Variants in NCAM2 observed in about 807,000 individuals in gnomAD.
NCAM2 encodes neural cell adhesion molecule 2.
A neutral mutation model predicts 98.1 loss-of-function variants in NCAM2; 30 were observed. The ratio of observed to expected loss-of-function variants is 0.31; its 90% CI spans 0.23 to 0.41. The LOEUF (loss-of-function observed/expected upper bound fraction) is 0.41. Ranked by LOEUF, NCAM2 falls within the 10% of genes least tolerant of loss-of-function variation. The pLI is 1.00. For missense variants in NCAM2, 867 were observed against 1,005.8 expected, an observed-to-expected ratio of 0.86 and a Z score of 1.87; for synonymous variants, 368 against 342.4, an observed-to-expected ratio of 1.07 and a Z score of -0.83.
chr21:21,200,290 A>C (rs2069161366), intron 1 of NCAM2, among the ~76,000 whole-genome samples: 1 of 152,074 alleles, frequency 6.6e-6, no homozygotes, highest in South Asian at 2.1e-4. Context: ...CATGGGTCAC[A>C]ACACATCCTT....
intron 1 of NCAM2, among the ~76,000 whole-genome samples, chr21:21,022,167 T>G (rs1466008191): frequency 6.6e-6 from 1 of 152,034 alleles, no homozygotes; most frequent in Admixed American, 6.5e-5. Flanking sequence ...TAGAATAGTT[T>G]AGTTGAAAAT....
intron 1 of NCAM2, among the ~76,000 whole-genome samples, chr21:21,159,197 AAT>A (rs1270739778): frequency 2.6e-5 from 4 of 152,326 alleles, no homozygotes; most frequent in African/African-American, 9.6e-5. Context: ...ATAGCTGTAT[AAT>A]ATGTTTGTGT....
At chr21:21,124,098 C>T (rs1259648357) in intron 1 of NCAM2, among the ~76,000 whole-genome samples, 4 of 151,594 alleles carry the variant, frequency 2.6e-5, no homozygotes, top group African/African-American at 7.3e-5. Flanking sequence ...CGGCCCACCT[C>T]GGCGTCCCAT....
chr21:21,317,024 G>A (rs11088859), intron 5 of NCAM2, among the ~76,000 whole-genome samples: 6,985 of 152,092 alleles, frequency 0.046, 293 homozygotes, highest in East Asian at 0.19. Flanking sequence ...CTGCAAAACT[G>A]CACCTAACTT....
chr21:21,323,648 A>T (rs1484334330), intron 5 of NCAM2, among the ~76,000 whole-genome samples: 1 of 152,154 alleles, frequency 6.6e-6, no homozygotes, highest in African/African-American at 2.4e-5. Flanking sequence ...GCATTTCAGT[A>T]ACAGTTTCAA....
chr21:21,334,302 A>C (rs577512902), intron 6 of NCAM2, among the ~76,000 whole-genome samples: 1 of 152,254 alleles, frequency 6.6e-6, no homozygotes, highest in South Asian at 2.1e-4. Flanking sequence ...TGTGTACTTC[A>C]TGGTACATTT....
intron 8 of NCAM2, among the ~76,000 whole-genome samples, chr21:21,365,989 G>T (rs1480250825): frequency 1.3e-5 from 2 of 151,496 alleles, no homozygotes; most frequent in Non-Finnish European, 2.9e-5. Context: ...AGGAAAAAAG[G>T]TGAATATATC....
chr21:21,501,992 T>C (rs1987667700), intron 15 of NCAM2, among the ~76,000 whole-genome samples: 1 of 151,970 alleles, frequency 6.6e-6, no homozygotes, highest in Admixed American at 6.6e-5. Flanking sequence ...CTTCCAAATT[T>C]TTAAAAAGTC....
At chr21:21,337,017 G>A (rs906346832) in intron 7 of NCAM2, among the ~76,000 whole-genome samples, 1 of 152,060 alleles carries the variant, frequency 6.6e-6, no homozygotes, top group Non-Finnish European at 1.5e-5. Flanking sequence ...AACATTTTTA[G>A]AAATTATAGA....
chr21:21,520,425 G>C (rs1988950724), intron 16 of NCAM2, among the ~76,000 whole-genome samples: 1 of 152,112 alleles, frequency 6.6e-6, no homozygotes, highest in South Asian at 2.1e-4. Flanking sequence ...GGGGTGTGTG[G>C]AAGATGGTTC....
At chr21:21,394,543 C>T (rs1466590502) in intron 9 of NCAM2, among the ~76,000 whole-genome samples, 2 of 121,154 alleles carry the variant, frequency 1.7e-5, no homozygotes, top group Non-Finnish European at 3.2e-5. Flanking sequence ...GGCTGGACTG[C>T]AGTGGTGCAA....
chr21:20,998,429 C>A lies in NCAM2; in HGVS notation c.-135C>A. 1 of 710,904 alleles carries A rather than the reference C, an allele frequency of 1.4e-6. No individual in the cohort carries two copies. The highest frequency in any genetic ancestry group is 2.3e-6 in the Non-Finnish European group (1 of 441,172). 44.0% of individuals were successfully genotyped at this position (710,904 alleles called of 1,614,324 possible). A position where few individuals can be genotyped will look rare whatever the true frequency, so the allele number is the denominator to read the frequency against. ...CAGTCACTTTGCGAGGAGGAGCGCG[C>A]GGGCTGCGGGCGGCTGGGGCACCGC... On this transcript the variant is annotated 5_prime_UTR_variant, in exon 1 of 18. Coordinates refer to ENST00000400546, the MANE Select transcript of NCAM2 (RefSeq NM_004540.5).
chr21:21,212,270 A>T (rs948884692), intron 1 of NCAM2, among the ~76,000 whole-genome samples: 1 of 152,224 alleles, frequency 6.6e-6, no homozygotes, highest in Non-Finnish European at 1.5e-5. Flanking sequence ...ATTTTCCACG[A>T]ATTATGCAGA....
At chr21:21,496,481 G>A (rs1265553371) in intron 15 of NCAM2, among the ~76,000 whole-genome samples, 2 of 151,880 alleles carry the variant, frequency 1.3e-5, no homozygotes, top group African/African-American at 4.8e-5. Flanking sequence ...ATTGCTGGTT[G>A]ATTTAAGTTC....
chr21:21,538,092 G>A lies in NCAM2; in HGVS notation c.*135G>A, dbSNP rs1048051298. The A allele has an allele frequency of 1.2e-5, 5 of 424,824 alleles. No individual in the cohort carries two copies. The highest frequency in any genetic ancestry group is 3.6e-5 in the East Asian group (1 of 28,010). The allele number at this position is 424,824 out of a possible 1,614,324, so 26.3% of individuals were successfully genotyped here. A position where few individuals can be genotyped will look rare whatever the true frequency, so the allele number is the denominator to read the frequency against. On this transcript the variant is annotated 3_prime_UTR_variant, in exon 18 of 18. Transcript: ENST00000400546. The stretch of plus-strand genomic sequence containing the variant: ...GAATAGCTTGTACACATATACATAT[G>A]ATCAAATACTCCTGCCCATGATCCA...
At chr21:21,081,750 G>A (rs985333786) in intron 1 of NCAM2, among the ~76,000 whole-genome samples, 4 of 151,608 alleles carry the variant, frequency 2.6e-5, no homozygotes, top group Non-Finnish European at 4.4e-5. Flanking sequence ...GCAGTGAGCC[G>A]AGATCTTGCC....
intron 1 of NCAM2, among the ~76,000 whole-genome samples, chr21:21,080,122 T>G (rs2065761245): frequency 6.6e-6 from 1 of 152,102 alleles, no homozygotes; most frequent in Admixed American, 6.5e-5. Flanking sequence ...AAAGGAAACT[T>G]TTGGAGGTGA....
intron 11 of NCAM2, among the ~76,000 whole-genome samples, chr21:21,426,257 G>C (rs1389236118): frequency 6.6e-6 from 1 of 152,080 alleles, no homozygotes; most frequent in African/African-American, 2.4e-5. Context: ...TAGAAGTAAG[G>C]TAGCCACTCA....
At chr21:21,227,890 C>T (rs951494903) in intron 1 of NCAM2, among the ~76,000 whole-genome samples, 1 of 151,700 alleles carries the variant, frequency 6.6e-6, no homozygotes, top group South Asian at 2.1e-4. Flanking sequence ...TATAAGTGAT[C>T]TTTTATGATT....
Sources: gnomAD v4.1 joint callset for allele counts (sites outside exome capture counted in the v4.1 genomes callset) on GRCh38, gnomAD v4.1.1 for gene constraint, MANE v1.5 for transcripts, NCBI Gene and HGNC (gene_info 2026-07-23, HGNC 2026-07-21) for gene names.